The following CIMAP1D variants were observed in gnomAD, a reference collection of about 807,000 sequenced individuals.
CIMAP1D encodes CIMAP1 family member D.
chr19:477,818 C>T, the CIMAP1D span, among the ~76,000 whole-genome samples: 1 of 152,206 alleles, frequency 6.6e-6, no homozygotes, highest in Non-Finnish European at 1.5e-5. Flanking sequence ...ACGCGCCACG[C>T]CACGGCACGC....
chr19:480,642 GTA>G, the CIMAP1D span, among the ~76,000 whole-genome samples: 2 of 95,422 alleles, frequency 2.1e-5, no homozygotes, highest in African/African-American at 3.5e-5. Context: ...AAGGATGATG[GTA>G]AGGATGATGG....
the CIMAP1D span, among the ~76,000 whole-genome samples, chr19:472,078 C>T: frequency 2.6e-5 from 4 of 152,238 alleles, no homozygotes; most frequent in Non-Finnish European, 5.9e-5. Context: ...AACTGAGTTG[C>T]AAAGCACTTA....
At chr19:480,045 G>A in the CIMAP1D span, among the ~76,000 whole-genome samples, 1 of 152,240 alleles carries the variant, frequency 6.6e-6, no homozygotes, top group African/African-American at 2.4e-5. Flanking sequence ...GAGCGTCTGC[G>A]ATGTGAACTG....
At chr19:464,204 C>G in the CIMAP1D span, 1 of 1,514,888 alleles carries the variant, frequency 6.6e-7, no homozygotes, top group Non-Finnish European at 8.8e-7. Flanking sequence ...TCTGTGAGCC[C>G]CACAGAGGGG....
the CIMAP1D span, among the ~76,000 whole-genome samples, chr19:478,425 C>T: frequency 1.3e-5 from 2 of 152,238 alleles, no homozygotes; most frequent in Non-Finnish European, 2.9e-5. Flanking sequence ...AAAGCTAACA[C>T]AGGGAAGACA....
chr19:468,797 A>G, the CIMAP1D span, among the ~76,000 whole-genome samples: 1 of 152,154 alleles, frequency 6.6e-6, no homozygotes, highest in African/African-American at 2.4e-5. Context: ...AACGTCATCC[A>G]CACCTTCGCC....
At chr19:491,147 C>G in the CIMAP1D span, among the ~76,000 whole-genome samples, 2 of 150,980 alleles carry the variant, frequency 1.3e-5, no homozygotes, top group Non-Finnish European at 2.9e-5. Flanking sequence ...CATGGTGGCA[C>G]GTGCCTATAA....
the CIMAP1D span, chr19:490,064 CAT>C: frequency 5.0e-6 from 2 of 398,316 alleles, no homozygotes; most frequent in Non-Finnish European, 4.4e-6. Context: ...TCGTATGAAA[CAT>C]AAAACAAGGC....
chr19:483,333 G>C, the CIMAP1D span, among the ~76,000 whole-genome samples: 1 of 139,490 alleles, frequency 7.2e-6, no homozygotes, highest in Non-Finnish European at 1.5e-5. Context: ...ATGTCAGCCA[G>C]AGCCAGCTCT....
the CIMAP1D span, among the ~76,000 whole-genome samples, chr19:488,015 C>T: frequency 6.6e-6 from 1 of 152,034 alleles, no homozygotes; most frequent in Non-Finnish European, 1.5e-5. Context: ...AGTCACGTAC[C>T]CCCTGCTTGT....
At chr19:490,438 C>T in the CIMAP1D span, 2 of 148,740 alleles carry the variant, frequency 1.3e-5, no homozygotes, top group Admixed American at 6.6e-5. Context: ...ACTATCCTTT[C>T]GATTCATAAG....
chr19:474,431 A>G, the CIMAP1D span, among the ~76,000 whole-genome samples: 1 of 151,606 alleles, frequency 6.6e-6, no homozygotes, highest in African/African-American at 2.4e-5. Context: ...GGACAGACAC[A>G]TACTCGGGGC....
chr19:472,521 G>T, the CIMAP1D span: 2 of 1,510,748 alleles, frequency 1.3e-6, no homozygotes, highest in Non-Finnish European at 1.8e-6. Context: ...AAAGCCCTCA[G>T]GTCACCTCCT....
the CIMAP1D span, among the ~76,000 whole-genome samples, chr19:486,243 G>A: frequency 6.6e-6 from 1 of 152,190 alleles, no homozygotes; most frequent in Non-Finnish European, 1.5e-5. Context: ...GGGCTCTGCT[G>A]TAGCCTGCAA....
the CIMAP1D span, chr19:463,926 CG>C: frequency 6.2e-7 from 1 of 1,611,522 alleles, no homozygotes; most frequent in Non-Finnish European, 8.5e-7. Context: ...TTTCGAGTGG[CG>C]GATGCCCATA....
the CIMAP1D span, among the ~76,000 whole-genome samples, chr19:483,509 G>A: frequency 6.6e-6 from 1 of 152,200 alleles, no homozygotes. Context: ...GATCATGGTG[G>A]GCTGAAATCA....
the CIMAP1D span, among the ~76,000 whole-genome samples, chr19:486,405 A>G: frequency 7.9e-5 from 12 of 151,666 alleles, no homozygotes; most frequent in Admixed American, 7.9e-4. Context: ...CACCTCCAGG[A>G]TCTTCCTTGG....
chr19:472,260 T>C, the CIMAP1D span: 1 of 455,068 alleles, frequency 2.2e-6, no homozygotes, highest in Non-Finnish European at 3.8e-6. Flanking sequence ...GAGCAGGTTG[T>C]ACAGCCCAGC....
the CIMAP1D span, among the ~76,000 whole-genome samples, chr19:486,067 A>C: frequency 6.6e-6 from 1 of 152,160 alleles, no homozygotes. Flanking sequence ...ATCCAGAGAG[A>C]GCCTGCTGTC....
Sources: gnomAD v4.1 joint callset for allele counts (sites outside exome capture counted in the v4.1 genomes callset) on GRCh38, gnomAD v4.1.1 for gene constraint, MANE v1.5 for transcripts, NCBI Gene and HGNC (gene_info 2026-07-23, HGNC 2026-07-21) for gene names.